PLPPR1: variants seen among roughly 807,000 people sequenced by gnomAD.
PLPPR1 encodes phospholipid phosphatase related 1.
In PLPPR1, 10 loss-of-function variants were observed where a neutral mutation model predicts 33.1. The observed-to-expected ratio is 0.30, with a 90% CI of 0.19 to 0.51. PLPPR1 has a LOEUF of 0.51. Ranked by LOEUF, PLPPR1 falls within the 20% of genes least tolerant of loss-of-function variation. The pLI is 0.97. For synonymous variants in PLPPR1, 151 were observed against 151.0 expected (o/e 1.00, Z 0.00); for missense variants, 304 against 408.1 (o/e 0.74, Z 2.20).
intron 1 of PLPPR1, among the ~76,000 whole-genome samples, chr9:101,119,223 A>G (rs1025062058): frequency 6.6e-6 from 1 of 152,200 alleles, no homozygotes; most frequent in Non-Finnish European, 1.5e-5. Context: ...TTGAAGAGTA[A>G]TTTGTGGACA....
intron 1 of PLPPR1, among the ~76,000 whole-genome samples, chr9:101,174,804 G>C (rs1156302251): frequency 1.3e-5 from 2 of 152,154 alleles, no homozygotes; most frequent in Admixed American, 6.5e-5. Flanking sequence ...AATGAAGTCT[G>C]ATTCATAATA....
intron 2 of PLPPR1, among the ~76,000 whole-genome samples, chr9:101,215,268 T>C (rs1826768370): frequency 6.6e-6 from 1 of 151,998 alleles, no homozygotes; most frequent in South Asian, 2.1e-4. Context: ...TTGTGCTACC[T>C]GATACTAGGT....
intron 4 of PLPPR1, among the ~76,000 whole-genome samples, chr9:101,293,884 A>G (rs914072624): frequency 1.3e-5 from 2 of 151,628 alleles, no homozygotes; most frequent in African/African-American, 4.8e-5. Context: ...TAACATCACA[A>G]TTAAAAGAAC....
Position 101,160,966 on chromosome 9 carries a change from A to G in PLPPR1, c.-45-24484A>G, listed in dbSNP as rs556516670. On this transcript the variant is annotated intron_variant, in intron 1 of 7. Coordinates refer to ENST00000374874, the MANE Select transcript of PLPPR1 (RefSeq NM_207299.2). ...CTTCAGCTATTAAAGCTGTCCTTGA[A>G]AAAGAATATCTCTCAGTTTCCTTCA... 3.7e-3 allele frequency among the ~76,000 whole-genome samples: 563 copies of G among 152,296 alleles called. 2 individuals are homozygous for G. Among genetic ancestry groups the G allele is most frequent in the Non-Finnish European group, 6.1e-3 (415 of 68,018 alleles).
intron 2 of PLPPR1, among the ~76,000 whole-genome samples, chr9:101,253,406 G>C (rs1827745396): frequency 6.6e-6 from 1 of 152,018 alleles, no homozygotes; most frequent in East Asian, 1.9e-4. Context: ...AATGAGCTGG[G>C]TGTGATGGCG....
chr9:101,046,556 C>T (rs1299032165), intron 1 of PLPPR1, among the ~76,000 whole-genome samples: 1 of 151,222 alleles, frequency 6.6e-6, no homozygotes, highest in Admixed American at 6.6e-5. Context: ...TCTCCTGCCT[C>T]AGCCTCCCGA....
chr9:101,093,854 A>G (rs1290452449), intron 1 of PLPPR1, among the ~76,000 whole-genome samples: 5 of 152,314 alleles, frequency 3.3e-5, no homozygotes, highest in African/African-American at 1.2e-4. Flanking sequence ...AAAGGAGCAG[A>G]CCATTGTTTC....
At chr9:101,318,872 G>A (rs561043393) in intron 7 of PLPPR1, among the ~76,000 whole-genome samples, 1 of 152,284 alleles carries the variant, frequency 6.6e-6, no homozygotes, top group Admixed American at 6.5e-5. Context: ...AAAGCTGGAT[G>A]AGTAGGAGTT....
intron 2 of PLPPR1, among the ~76,000 whole-genome samples, chr9:101,260,956 C>G (rs1293077721): frequency 1.3e-5 from 2 of 152,056 alleles, no homozygotes; most frequent in Admixed American, 1.3e-4. Context: ...CAGTCAACCT[C>G]TACTATCACC....
Position 101,309,271 on chromosome 9 carries a change from C to G in PLPPR1, c.446C>G (p.Thr149Ser). ...DIFVNAGQVVTGHLTPYFLTV... is the reference protein window; with the variant it reads ...DIFVNAGQVVSGHLTPYFLTV... ...TTTGTAAACGCCGGACAAGTGGTCA[C>G]TGGGCACTTAACGCCATACTTCCTG... Residue 149 changes from threonine (T) to serine (S), a missense_variant, in exon 5 of 8, where the codon ACT becomes AGT. By Grantham distance (58) the Thr-to-Ser change is moderately conservative. Coordinates refer to ENST00000374874, the MANE Select transcript of PLPPR1 (RefSeq NM_207299.2). 2 of 1,614,142 alleles carry G rather than the reference C, an allele frequency of 1.2e-6. No individual in the cohort carries two copies. Among genetic ancestry groups the G allele is most frequent in the Non-Finnish European group, 1.7e-6 (2 of 1,180,014 alleles).
At chr9:101,300,470 G>A (rs1828732600) in intron 4 of PLPPR1, among the ~76,000 whole-genome samples, 1 of 152,142 alleles carries the variant, frequency 6.6e-6, no homozygotes. Context: ...AACTATTTAA[G>A]TTATTACATT....
At chr9:101,068,170 T>C (rs1447370661) in intron 1 of PLPPR1, among the ~76,000 whole-genome samples, 2 of 152,126 alleles carry the variant, frequency 1.3e-5, no homozygotes, top group Admixed American at 1.3e-4. Flanking sequence ...TCTAGGACCT[T>C]ACATATATTA....
At chr9:101,240,105 C>T (rs976113015) in intron 2 of PLPPR1, among the ~76,000 whole-genome samples, 6 of 151,836 alleles carry the variant, frequency 4.0e-5, no homozygotes, top group Admixed American at 2.0e-4. Context: ...TTTATTCTTC[C>T]GCCTATGGAG....
Position 101,085,912 on chromosome 9 carries a change from C to T in PLPPR1, c.-46+56810C>T, listed in dbSNP as rs139249218. Among the ~76,000 whole-genome samples, 375 of 152,198 alleles carry T rather than the reference C, an allele frequency of 2.5e-3. 1 individual carries two copies. The highest frequency in any genetic ancestry group is 8.8e-3 in the African/African-American group (364 of 41,534). On this transcript the variant is annotated intron_variant, in intron 1 of 7. Transcript: ENST00000374874. The stretch of plus-strand genomic sequence containing the variant: ...CAATCAAGACCTTAACTCTAAGTGT[C>T]TCTTTGCCTTGTTCCTGATCTTAGG...
At chr9:101,268,826 A>T (rs968209533) in intron 2 of PLPPR1, among the ~76,000 whole-genome samples, 35 of 152,252 alleles carry the variant, frequency 2.3e-4, no homozygotes, top group African/African-American at 8.2e-4. Flanking sequence ...ATCAACATTT[A>T]AAAATATATT....
At chr9:101,140,637 A>G (rs780529609) in intron 1 of PLPPR1, among the ~76,000 whole-genome samples, 5 of 152,316 alleles carry the variant, frequency 3.3e-5, no homozygotes, top group South Asian at 2.1e-4. Flanking sequence ...ATGACACATA[A>G]TAACCTAACA....
intron 2 of PLPPR1, among the ~76,000 whole-genome samples, chr9:101,246,097 TATATATATATATAGATAG>T (rs1827603884): frequency 9.9e-6 from 1 of 101,384 alleles, no homozygotes; most frequent in African/African-American, 4.3e-5. Flanking sequence ...TATATATATA[TATATATATATATAGATAG>T]ATAGATAGAT....
chr9:101,078,109 A>AGGAGAAGGAGAAGGAGAAGGAGAAGAG (rs1830564122), intron 1 of PLPPR1, among the ~76,000 whole-genome samples: 6 of 674 alleles, frequency 8.9e-3, no homozygotes, highest in African/African-American at 0.027. Flanking sequence ...AAGGAGAAGA[A>AGGAGAAGGAGAAGGAGAAGGAGAAGAG]GAAGAAGAAG....
At chr9:101,298,280 A>C (rs560225997) in intron 4 of PLPPR1, among the ~76,000 whole-genome samples, 1 of 152,308 alleles carries the variant, frequency 6.6e-6, no homozygotes, top group South Asian at 2.1e-4. Flanking sequence ...AAATTTAATT[A>C]AATACCAGCC....
Sources: gnomAD v4.1 joint callset for allele counts (sites outside exome capture counted in the v4.1 genomes callset) on GRCh38, gnomAD v4.1.1 for gene constraint, MANE v1.5 for transcripts, NCBI Gene and HGNC (gene_info 2026-07-23, HGNC 2026-07-21) for gene names.